The following TCF4 variants were observed in gnomAD, a reference collection of about 807,000 sequenced individuals.
The protein encoded by TCF4 is SL3-3 enhancer factor 2.
TCF4 carries 3 observed loss-of-function variants against 82.1 expected under a neutral mutation model. That is an observed-to-expected ratio of 0.04 (90% CI 0.02 to 0.09). TCF4 has a LOEUF of 0.09. TCF4 is among the 10% of genes least tolerant of loss of function. The pLI is 1.00. For missense variants in TCF4, 518 were observed against 852.7 expected (o/e 0.61, Z 4.89); for synonymous variants, 276 against 309.6 (o/e 0.89, Z 1.14).
Position 55,275,292 on chromosome 18 carries a change from A to C in TCF4, c.789+327T>G, listed in dbSNP as rs184992628. 0.03 allele frequency among the ~76,000 whole-genome samples: 4,522 copies of C among 150,622 alleles called. 91 individuals are homozygous for C. Among genetic ancestry groups the C allele is most frequent in the Non-Finnish European group, 0.036 (2,410 of 67,544 alleles). On this transcript the variant is annotated intron_variant, in intron 10 of 19. Coordinates refer to ENST00000354452, the MANE Select transcript of TCF4 (RefSeq NM_001083962.2). ...TACAGATAGAAAAAAAAAAAAAAAA[A>C]AAAAAACCAGGAACCACCATGTTAA...
At chr18:55,470,690 A>G (rs1330751564) in intron 3 of TCF4, among the ~76,000 whole-genome samples, 1 of 152,230 alleles carries the variant, frequency 6.6e-6, no homozygotes, top group African/African-American at 2.4e-5. Flanking sequence ...AGCCTACAAC[A>G]TGCCAATCAC....
intron 5 of TCF4, among the ~76,000 whole-genome samples, chr18:55,453,714 G>A (rs2095673075): frequency 6.6e-6 from 1 of 152,052 alleles, no homozygotes; most frequent in African/African-American, 2.4e-5. Context: ...GAATGGAAAT[G>A]TCCTCTGACT....
chr18:55,273,916 G>A (rs528974748), intron 10 of TCF4, among the ~76,000 whole-genome samples: 8 of 152,180 alleles, frequency 5.3e-5, no homozygotes, highest in African/African-American at 1.9e-4. Flanking sequence ...CAGTGAACTG[G>A]ACTAGGATAA....
chr18:55,368,934 A>G (rs2088072431), intron 6 of TCF4, among the ~76,000 whole-genome samples: 1 of 152,200 alleles, frequency 6.6e-6, no homozygotes, highest in Non-Finnish European at 1.5e-5. Flanking sequence ...GTGATATGGC[A>G]CCATGGCTAT....
intron 9 of TCF4, among the ~76,000 whole-genome samples, chr18:55,277,703 T>C (rs139144329): frequency 1.3e-5 from 2 of 151,882 alleles, no homozygotes; most frequent in East Asian, 1.9e-4. Context: ...CCTACTGATA[T>C]AATCTACCTG....
At chr18:55,462,847 C>T (rs188220245) in intron 4 of TCF4, among the ~76,000 whole-genome samples, 1 of 152,186 alleles carries the variant, frequency 6.6e-6, no homozygotes, top group African/African-American at 2.4e-5. Context: ...ATGTCAAGCT[C>T]GACAGCTGGT....
intron 10 of TCF4, among the ~76,000 whole-genome samples, chr18:55,272,163 T>C (rs1316934363): frequency 6.6e-6 from 1 of 151,992 alleles, no homozygotes; most frequent in Non-Finnish European, 1.5e-5. Context: ...AAAAGAAAAA[T>C]TAATCCCCAT....
chr18:55,255,728 CA>C lies in TCF4; in HGVS notation c.1147-1029del, dbSNP rs561697649. Among the ~76,000 whole-genome samples the C allele has an allele frequency of 1.2e-4, 19 of 152,182 alleles. 1 individual carries two copies. The South Asian group carries it at 3.7e-3, about 30-fold the overall frequency. On this transcript the variant is annotated intron_variant, in intron 14 of 19. Coordinates refer to ENST00000354452, the MANE Select transcript of TCF4 (RefSeq NM_001083962.2). ...GACATGAAAATGAGGCTCAAAGACA[CA>C]AAGTGAATTAGTTACGTAGTGTCAC...
upstream of TCF4, chr18:55,589,579 A>C: frequency 9.6e-7 from 1 of 1,044,284 alleles, no homozygotes; most frequent in South Asian, 4.6e-5. Flanking sequence ...TAAAAAAAAA[A>C]ATGAACACAG....
chr18:55,460,922 T>C, intron 5 of TCF4, 97 bp downstream of exon 5: 1 of 1,062,866 alleles, frequency 9.4e-7, no homozygotes, highest in Non-Finnish European at 1.4e-6. Flanking sequence ...AATATCCAAG[T>C]TTCTAAAAGC....
intron 8 of TCF4, among the ~76,000 whole-genome samples, chr18:55,326,673 A>G (rs1367640223): frequency 1.3e-5 from 2 of 152,166 alleles, no homozygotes; most frequent in African/African-American, 4.8e-5. Flanking sequence ...AATGTTGCCA[A>G]GCCAAGGAAT....
intron 3 of TCF4, among the ~76,000 whole-genome samples, chr18:55,561,837 G>T (rs1478313082): frequency 6.6e-6 from 1 of 152,068 alleles, no homozygotes; most frequent in Admixed American, 6.6e-5. Flanking sequence ...GTAAATTCCA[G>T]GACCTCAAAG....
At chr18:55,306,829 T>G (rs901402366) in intron 8 of TCF4, among the ~76,000 whole-genome samples, 10 of 152,222 alleles carry the variant, frequency 6.6e-5, no homozygotes, top group African/African-American at 2.4e-4. Context: ...GTTTTAACTT[T>G]CCTGTATTCT....
At chr18:55,535,317 T>C (rs1471371145) in intron 3 of TCF4, among the ~76,000 whole-genome samples, 2 of 152,188 alleles carry the variant, frequency 1.3e-5, no homozygotes, top group Non-Finnish European at 2.9e-5. Flanking sequence ...TCATAAATTG[T>C]TAAGGTGGGA....
At chr18:55,493,137 A>G (rs2096593513) in intron 3 of TCF4, among the ~76,000 whole-genome samples, 1 of 152,208 alleles carries the variant, frequency 6.6e-6, no homozygotes, top group African/African-American at 2.4e-5. Flanking sequence ...AGACGACAGG[A>G]CAGTCAGCAT....
intron 5 of TCF4, among the ~76,000 whole-genome samples, chr18:55,440,872 G>T (rs927803913): frequency 1.3e-5 from 2 of 152,088 alleles, no homozygotes; most frequent in African/African-American, 4.8e-5. Context: ...TAACTTTGGG[G>T]TGTCTGTTTA....
chr18:55,386,283 T>A (rs2092597197), intron 6 of TCF4, among the ~76,000 whole-genome samples: 1 of 152,194 alleles, frequency 6.6e-6, no homozygotes. Context: ...CTTTCAAAGC[T>A]ATAATACCAT....
At chr18:55,632,493 G>C (rs1353497074) in intron 1 of TCF4, among the ~76,000 whole-genome samples, 3 of 152,156 alleles carry the variant, frequency 2.0e-5, no homozygotes, top group Admixed American at 6.5e-5. Context: ...TCTTCAGATT[G>C]TAAAGATCAC....
At chr18:55,622,235 G>A (rs181183243) in intron 2 of TCF4, among the ~76,000 whole-genome samples, 36 of 151,022 alleles carry the variant, frequency 2.4e-4, no homozygotes, top group Non-Finnish European at 4.3e-4. Flanking sequence ...GTGGCCGGGA[G>A]TGGTGGACCA....
Sources: allele counts gnomAD v4.1 joint callset (sites outside exome capture counted in the v4.1 genomes callset), GRCh38; gene constraint gnomAD v4.1.1; transcripts MANE v1.5; gene names NCBI Gene and HGNC (gene_info 2026-07-23, HGNC 2026-07-21).